The following LEFTY2 variants were observed in gnomAD, a reference collection of about 807,000 sequenced individuals.
LEFTY2 encodes the protein left-right determination factor 2.
A neutral mutation model predicts 26.4 loss-of-function variants in LEFTY2; 10 were observed. The observed-to-expected ratio is 0.38, with a 90% CI of 0.23 to 0.64. The LOEUF is 0.64. Ranked by LOEUF, LEFTY2 falls within the 30% of genes least tolerant of loss-of-function variation. LEFTY2 has a pLI of 0.56. For synonymous variants in LEFTY2, 204 were observed against 234.1 expected (o/e 0.87, Z 1.17); for missense variants, 407 against 502.1 (o/e 0.81, Z 1.81).
chr1:225,937,434 C>T lies in LEFTY2; in HGVS notation c.*7G>A. The T allele has an allele frequency of 3.1e-6, 5 of 1,613,980 alleles. No individual in the cohort carries two copies. The highest frequency in any genetic ancestry group is 4.2e-6 in the Non-Finnish European group (5 of 1,180,050). ...CAGTTAGAGGGCTCAATGGATACAC[C>T]AGGCGCCTATGGCTGGAGCCTCCTT... On this transcript the variant is annotated 3_prime_UTR_variant, in exon 4 of 4. Transcript: ENST00000366820.
chr1:225,939,568 G>C lies in LEFTY2; in HGVS notation c.530C>G (p.Ala177Gly). Reference protein sequence around the residue: ...LVSVHESGWKAFDVTEAVNFW... With the variant: ...LVSVHESGWKGFDVTEAVNFW... ...GTTCACGGCCTCGGTCACGTCGAAGGCCTTCCAGCCGCTCTCGTGGACGGA... is the reference window on the plus strand; with the variant it reads ...GTTCACGGCCTCGGTCACGTCGAAGCCCTTCCAGCCGCTCTCGTGGACGGA... The change falls in exon 3 of 4, where the codon GCC becomes GGC. Residue 177 changes from alanine (A) to glycine (G), a missense_variant. Coordinates refer to ENST00000366820, the MANE Select transcript of LEFTY2 (RefSeq NM_003240.5). The surrounding 1 kb of genome is among the most constrained non-coding windows in gnomAD (Gnocchi z 4.1). The C allele has an allele frequency of 6.2e-7, 1 of 1,612,322 alleles. No homozygotes were observed. Among genetic ancestry groups the C allele is most frequent in the Non-Finnish European group, 8.5e-7 (1 of 1,179,834 alleles).
At position 225,941,027 on chromosome 1, in the gene LEFTY2, G is replaced by A. The variant is rs375073116; in HGVS notation, c.114C>T (p.Ser38=). ...CGGCCCTGTCCAGTACGGGCACCTC[G>A]CTGAGCTGCAGCTGCCGCAGCAGGC... ...LGSLLRQLQL[S]EVPVLDRADM... is the part of the protein sequence containing the mutation. The change falls in exon 1 of 4, where the codon AGC becomes AGT. Residue 38 remains serine, a synonymous_variant. Coordinates refer to ENST00000366820, the MANE Select transcript of LEFTY2 (RefSeq NM_003240.5). 2.7e-5 allele frequency: 43 copies of A among 1,612,394 alleles called. 1 individual carries two copies. Among genetic ancestry groups the A allele is most frequent in the East Asian group, 2.0e-4 (9 of 44,870 alleles).
At chr1:225,940,477 T>C (rs1672293915) in intron 1 of LEFTY2, among the ~76,000 whole-genome samples, 2 of 152,240 alleles carry the variant, frequency 1.3e-5, no homozygotes, top group African/African-American at 4.8e-5. Flanking sequence ...CTGTTCCAGA[T>C]GAGCACATGG....
Position 225,939,361 on chromosome 1 carries a change from C to G in LEFTY2, c.737G>C (p.Gly246Ala), listed in dbSNP as rs774109979. The change falls in exon 3 of 4, where the codon GGA (glycine) becomes GCA (alanine). Residue 246 changes from glycine to alanine, a missense_variant and splice_region_variant. By Grantham distance (60) the Gly-to-Ala change is moderately conservative (BLOSUM62 0). Coordinates refer to ENST00000366820, the MANE Select transcript of LEFTY2 (RefSeq NM_003240.5). This position sits in a 1 kb window ranked among gnomAD's most constrained non-coding sequence, Gnocchi z 4.1. Reference sequence around the variant, plus strand: ...CCCTTCTGCCCAGTCCTGCACCTACCCATAGTCCCTGAGGTCCAGGGTGTG... The same window carrying G: ...CCCTTCTGCCCAGTCCTGCACCTACGCATAGTCCCTGAGGTCCAGGGTGTG... ...ELHTLDLRDY[G>A]AQGDCDPEAP... The G allele has an allele frequency of 2.5e-6, 4 of 1,613,646 alleles. No homozygotes were observed. The highest frequency in any genetic ancestry group is 2.7e-5 in the African/African-American group (2 of 74,932).
In LEFTY2 at chr1:225,939,332, G is replaced by T. The variant is rs12084918; in HGVS notation, c.737+29C>A. On this transcript the variant is annotated intron_variant, in intron 3 of 3. Coordinates refer to ENST00000366820, the MANE Select transcript of LEFTY2 (RefSeq NM_003240.5). This position sits in a 1 kb window ranked among gnomAD's most constrained non-coding sequence, Gnocchi z 4.1. ...GGTCTGGACCACTCAGTGGCTGCTT[G>T]CCTCCCTTCTGCCCAGTCCTGCACC... The T allele has an allele frequency of 6.2e-7, 1 of 1,612,936 alleles. No homozygotes were observed. The highest frequency in any genetic ancestry group is 8.5e-7 in the Non-Finnish European group (1 of 1,179,672).
At position 225,941,028 on chromosome 1, in the gene LEFTY2, C is replaced by T. The variant is rs1410980950; in HGVS notation, c.113G>A (p.Ser38Asn). The T allele has an allele frequency of 1.2e-6, 2 of 1,612,492 alleles. No homozygotes were observed. Among genetic ancestry groups the T allele is most frequent in the East Asian group, 2.2e-5 (1 of 44,856 alleles). ...LGSLLRQLQLSEVPVLDRADM... is the reference protein window; with the variant it reads ...LGSLLRQLQLNEVPVLDRADM... The stretch of plus-strand genomic sequence containing the variant: ...GGCCCTGTCCAGTACGGGCACCTCG[C>T]TGAGCTGCAGCTGCCGCAGCAGGCT... Residue 38 changes from serine (S) to asparagine (N), a missense_variant, in exon 1 of 4, where the codon AGC becomes AAC. By Grantham distance (46) the Ser-to-Asn change is conservative. Coordinates refer to ENST00000366820, the MANE Select transcript of LEFTY2 (RefSeq NM_003240.5).
At chr1:225,938,562 C>T (rs1672213941) in intron 3 of LEFTY2, among the ~76,000 whole-genome samples, 1 of 151,944 alleles carries the variant, frequency 6.6e-6, no homozygotes, top group Non-Finnish European at 1.5e-5. Context: ...CCATGTTGGC[C>T]AGGCTGGTCT....
In LEFTY2 at chr1:225,939,932, C is replaced by T. The variant is rs1249545021; in HGVS notation, c.321G>A (p.Leu107=). Residue 107 remains leucine (L), a synonymous_variant, in exon 2 of 4, where the codon CTG becomes CTA. Coordinates refer to ENST00000366820, the MANE Select transcript of LEFTY2 (RefSeq NM_003240.5). The surrounding 1 kb of genome is among the most constrained non-coding windows in gnomAD (Gnocchi z 4.1). Reference sequence around the variant, plus strand: ...CCTGCACCAGCTCGCTGTTGGGCGGCAGCCGCTGCTCCATGCCGAACACCA... The same window carrying T: ...CCTGCACCAGCTCGCTGTTGGGCGGTAGCCGCTGCTCCATGCCGAACACCA... ...HLLVFGMEQR[L]PPNSELVQAV... 3.8e-6 allele frequency: 6 copies of T among 1,589,174 alleles called. No homozygotes were observed. The highest frequency in any genetic ancestry group is 5.1e-6 in the Non-Finnish European group (6 of 1,176,850).
In LEFTY2 at chr1:225,940,874, G is replaced by A; in HGVS notation, c.250+17C>T. 1 of 1,613,306 alleles carries A rather than the reference G, an allele frequency of 6.2e-7. No individual in the cohort carries two copies. The highest frequency in any genetic ancestry group is 8.5e-7 in the Non-Finnish European group (1 of 1,179,724). ...CCCGACCATGGGACCGGGGCCAGCA[G>A]GGAGGGAGGGTCTCACCTCGGAAGC... On this transcript the variant is annotated intron_variant, in intron 1 of 3. Coordinates refer to ENST00000366820, the MANE Select transcript of LEFTY2 (RefSeq NM_003240.5).
rs1672181337 is a variant in LEFTY2 at position 225,937,524 on chromosome 1, C to T, written c.1018G>A (p.Val340Met). 9.9e-6 allele frequency: 16 copies of T among 1,613,926 alleles called. No individual in the cohort carries two copies. The East Asian group carries it at 3.1e-4, about 31-fold the overall frequency. The change falls in exon 4 of 4, where the codon GTG becomes ATG. Residue 340 changes from valine to methionine, a missense_variant. By Grantham distance (21) the Val-to-Met change is conservative. Coordinates refer to ENST00000366820, the MANE Select transcript of LEFTY2 (RefSeq NM_003240.5). ...IKEGGRTRPQ[V>M]VSLPNMRVQK... ...ACCCTCATGTTGGGCAGGCTGACCA[C>T]CTGGGGCCTGGTCCTGCCTCCCTCC...
Position 225,937,061 on chromosome 1 carries a change from T to C in LEFTY2, c.*380A>G. The C allele has an allele frequency of 3.0e-6, 1 of 337,530 alleles. No homozygotes were observed. The highest frequency in any genetic ancestry group is 5.6e-6 in the Non-Finnish European group (1 of 178,198). The allele number at this position is 337,530 out of a possible 1,614,324, so 20.9% of individuals were successfully genotyped here. A position where few individuals can be genotyped will look rare whatever the true frequency, so the allele number is the denominator to read the frequency against. On this transcript the variant is annotated 3_prime_UTR_variant, in exon 4 of 4. Transcript: ENST00000366820. ...GGGGGAAATAGAGATTTGAAGGTTT[T>C]AATTCCTCATATAACACAGCAATTC...
At position 225,941,026 on chromosome 1, in the gene LEFTY2, C is replaced by T. The variant is rs749195036; in HGVS notation, c.115G>A (p.Glu39Lys). ...GSLLRQLQLS[E>K]VPVLDRADME... Reference sequence around the variant, plus strand: ...TCGGCCCTGTCCAGTACGGGCACCTCGCTGAGCTGCAGCTGCCGCAGCAGG... The same window carrying T: ...TCGGCCCTGTCCAGTACGGGCACCTTGCTGAGCTGCAGCTGCCGCAGCAGG... The change falls in exon 1 of 4, where the codon GAG becomes AAG. Residue 39 changes from glutamate to lysine, a missense_variant. Coordinates refer to ENST00000366820, the MANE Select transcript of LEFTY2 (RefSeq NM_003240.5). The T allele has an allele frequency of 1.1e-5, 17 of 1,612,590 alleles. No homozygotes were observed. Among genetic ancestry groups the T allele is most frequent in the Middle Eastern group, 1.7e-4 (1 of 5,972 alleles).
chr1:225,939,353 G>T lies in LEFTY2; in HGVS notation c.737+8C>A. On this transcript the variant is annotated splice_region_variant and intron_variant, in intron 3 of 3. Transcript: ENST00000366820. This position sits in a 1 kb window ranked among gnomAD's most constrained non-coding sequence, Gnocchi z 4.1. ...GCTTGCCTCCCTTCTGCCCAGTCCT[G>T]CACCTACCCATAGTCCCTGAGGTCC... The T allele has an allele frequency of 6.2e-7, 1 of 1,613,548 alleles. No individual in the cohort carries two copies. The highest frequency in any genetic ancestry group is 8.5e-7 in the Non-Finnish European group (1 of 1,179,828).
Position 225,937,299 on chromosome 1 carries a change from G to A in LEFTY2, c.*142C>T, listed in dbSNP as rs898301393. 2.2e-6 allele frequency: 3 copies of A among 1,359,816 alleles called. No homozygotes were observed. The highest frequency in any genetic ancestry group is 2.1e-6 in the Non-Finnish European group (2 of 971,024). 84.2% of individuals were successfully genotyped at this position (1,359,816 alleles called of 1,614,324 possible). Reference sequence around the variant, plus strand: ...GATGGGTGATGGACGGGAAAGACAGGAAATGGAAGGACACAGGGCGAAGGT... The same window carrying A: ...GATGGGTGATGGACGGGAAAGACAGAAAATGGAAGGACACAGGGCGAAGGT... On this transcript the variant is annotated 3_prime_UTR_variant, in exon 4 of 4. Transcript: ENST00000366820.
rs372862888 is a variant in LEFTY2, at chr1:225,939,980, C to T, written c.273G>A (p.Ala91=). 4.4e-5 allele frequency: 71 copies of T among 1,595,586 alleles called. No homozygotes were observed. The highest frequency in any genetic ancestry group is 5.6e-5 in the Non-Finnish European group (66 of 1,179,588). ...SFREVAGRFL[A]SEASTHLLVF... is the part of the protein sequence containing the mutation. ...CCAGCAGGTGTGTGCTGGCCTCCGA[C>T]GCCAGGAACCTGCCGGCCACCTCTG... The change falls in exon 2 of 4, where the codon GCG becomes GCA. Residue 91 remains alanine (A), a synonymous_variant. Transcript: ENST00000366820. The surrounding 1 kb of genome is among the most constrained non-coding windows in gnomAD (Gnocchi z 4.1).
intron 3 of LEFTY2, among the ~76,000 whole-genome samples, chr1:225,938,511 G>A (rs1454000319): frequency 6.6e-6 from 1 of 151,884 alleles, no homozygotes; most frequent in Non-Finnish European, 1.5e-5. Flanking sequence ...CCGCCACCAC[G>A]CCCAGCTAAT....
rs73131854 is a variant in LEFTY2, at chr1:225,940,864, G to A, written c.250+27C>T. The A allele has an allele frequency of 4.2e-3, 6,783 of 1,612,996 alleles. 267 individuals carry two copies. In the African/African-American group the frequency reaches 0.077, roughly 18 times the overall value. The stretch of plus-strand genomic sequence containing the variant: ...CCGGCCTGCCCCCGACCATGGGACC[G>A]GGGCCAGCAGGGAGGGAGGGTCTCA... On this transcript the variant is annotated intron_variant, in intron 1 of 3. Coordinates refer to ENST00000366820, the MANE Select transcript of LEFTY2 (RefSeq NM_003240.5).
In LEFTY2 at chr1:225,939,751, C is replaced by A; in HGVS notation, c.497+5G>T. ...TCCTGCCCTGCGCGCCCGCGCGACC[C>A]CCACCTGGAGTCGATGAGGGAGGTG... On this transcript the variant is annotated splice_donor_5th_base_variant and intron_variant, in intron 2 of 3. Coordinates refer to ENST00000366820, the MANE Select transcript of LEFTY2 (RefSeq NM_003240.5). The surrounding 1 kb of genome is among the most constrained non-coding windows in gnomAD (Gnocchi z 4.1). 1 of 1,597,688 alleles carries A rather than the reference C, an allele frequency of 6.3e-7. No individual in the cohort carries two copies. Among genetic ancestry groups the A allele is most frequent in the Non-Finnish European group, 8.5e-7 (1 of 1,174,530 alleles).
chr1:225,940,100 G>A lies in LEFTY2; in HGVS notation c.251-98C>T, dbSNP rs1393127271. The A allele has an allele frequency of 7.7e-6, 12 of 1,561,054 alleles. No individual in the cohort carries two copies. The African/African-American group carries it at 1.5e-4, about 19-fold the overall frequency. Reference sequence around the variant, plus strand: ...GCTGGCAGCCAGGCCAGGAGACACCGGCCCTGTTCTATCTCTGGGGCAAAC... The same window carrying A: ...GCTGGCAGCCAGGCCAGGAGACACCAGCCCTGTTCTATCTCTGGGGCAAAC... On this transcript the variant is annotated intron_variant, in intron 1 of 3. Transcript: ENST00000366820.
Sources: allele counts gnomAD v4.1 joint callset (sites outside exome capture counted in the v4.1 genomes callset), GRCh38; gene constraint gnomAD v4.1.1; non-coding constraint Gnocchi (gnomAD v3.1); transcripts MANE v1.5; gene names NCBI Gene and HGNC (gene_info 2026-07-23, HGNC 2026-07-21).